IRAG2: variants seen among roughly 807,000 people sequenced by gnomAD.
IRAG2 encodes lymphoid restricted membrane protein.
A neutral mutation model predicts 69.9 loss-of-function variants in IRAG2; 45 were observed. The ratio of observed to expected loss-of-function variants is 0.64; its 90% CI spans 0.51 to 0.83. IRAG2 has a LOEUF of 0.83. IRAG2 is among the 40% of genes least tolerant of loss of function. The pLI, the probability that IRAG2 is intolerant of heterozygous loss-of-function variation, is 0.00. For missense variants in IRAG2, 520 were observed against 587.0 expected, an observed-to-expected ratio of 0.89 and a Z score of 1.18; for synonymous variants, 193 against 202.4, an observed-to-expected ratio of 0.95 and a Z score of 0.40.
intron 16 of IRAG2, among the ~76,000 whole-genome samples, chr12:25,043,995 C>CACAGAACAAAT (rs1447001378): frequency 2.6e-5 from 4 of 151,966 alleles, no homozygotes; most frequent in African/African-American, 9.7e-5. Flanking sequence ...AAAATACAAA[C>CACAGAACAAAT]ACAGAACACT....
chr12:25,029,714 G>A (rs751327651), intron 9 of IRAG2, among the ~76,000 whole-genome samples: 10 of 151,380 alleles, frequency 6.6e-5, no homozygotes, highest in Middle Eastern at 3.4e-3. Flanking sequence ...AGAGTCTTGC[G>A]CTGTCACCTG....
upstream of IRAG2, among the ~76,000 whole-genome samples, chr12:25,001,959 C>T (rs112144042): frequency 0.14 from 20,978 of 151,742 alleles, 1,627 homozygotes; most frequent in African/African-American, 0.18. Flanking sequence ...TTAGTAGAGA[C>T]GGGGTTTCAT....
chr12:25,002,208 CT>C (rs1417881171), upstream of IRAG2, among the ~76,000 whole-genome samples: 1 of 152,196 alleles, frequency 6.6e-6, no homozygotes, highest in Non-Finnish European at 1.5e-5. Flanking sequence ...TACCTTCCCC[CT>C]GGAGCAACTG....
rs868811601 is a variant in IRAG2 at position 25,074,061 on chromosome 12, C to G, written c.24+4630C>G. ...TCTAGATTGAAGACTGGCTTTATTA[C>G]TTATTAGCTGTGTGAACTTGGACAC... On this transcript the variant is annotated intron_variant, in intron 6 of 21. Coordinates refer to ENST00000556887, the MANE Select transcript of IRAG2 (RefSeq NM_001366544.2). 9.8e-5 allele frequency among the ~76,000 whole-genome samples: 15 copies of G among 152,370 alleles called. No individual in the cohort carries two copies. The South Asian group carries it at 1.4e-3, about 15-fold the overall frequency.
rs758440054 is a variant in IRAG2 at position 25,106,931 on chromosome 12, A to ATTTATTTACAGAACT, written c.1149-11_1152dup. 3 of 1,364,418 alleles carry ATTTATTTACAGAACT rather than the reference A, an allele frequency of 2.2e-6. No homozygotes were observed. The East Asian group carries it at 7.3e-5, about 33-fold the overall frequency. 84.5% of individuals were successfully genotyped at this position (1,364,418 alleles called of 1,614,324 possible). On this transcript the variant is annotated splice_polypyrimidine_tract_variant and intron_variant, in intron 20 of 21. Coordinates refer to ENST00000556887, the MANE Select transcript of IRAG2 (RefSeq NM_001366544.2). ...CTTAGTTTCAAATATTAAAAACAAC[A>ATTTATTTACAGAACT]TTTATTTACAGAACTAAAGATGACT... is the stretch of plus-strand genomic sequence containing the variant.
At chr12:25,083,366 CCT>C (rs1947353989) in intron 9 of IRAG2, 55 bp from the exon 10 acceptor site, 1 of 1,062,346 alleles carries the variant, frequency 9.4e-7, no homozygotes, top group African/African-American at 1.6e-5. Context: ...ACTGTTTCCT[CCT>C]CTTTTACTTG....
intron 4 of IRAG2, among the ~76,000 whole-genome samples, chr12:25,065,484 C>T (rs1035760384): frequency 6.6e-6 from 1 of 152,208 alleles, no homozygotes; most frequent in Non-Finnish European, 1.5e-5. Context: ...GTGATCTCAA[C>T]CTATTTCCCC....
intron 16 of IRAG2, 92 bp downstream of exon 16, chr12:25,101,417 C>T: frequency 1.2e-6 from 1 of 838,328 alleles, no homozygotes; most frequent in Non-Finnish European, 1.7e-6. Context: ...TATAATAAAA[C>T]TCTTAGGTTA....
intron 4 of IRAG2, 48 bp from the exon 5 acceptor site, chr12:25,066,317 T>G: frequency 2.5e-6 from 1 of 400,594 alleles, no homozygotes; most frequent in Non-Finnish European, 4.4e-6. Flanking sequence ...CAATATAGTT[T>G]GAACCAGAAA....
At chr12:25,037,825 T>C (rs1286332181) in intron 15 of IRAG2, 5 of 394,110 alleles carry the variant, frequency 1.3e-5, no homozygotes, top group Non-Finnish European at 2.2e-5. Flanking sequence ...TTAATTAACA[T>C]ACAATTGAGA....
At chr12:25,079,961 A>G (rs1463251827) in intron 9 of IRAG2, among the ~76,000 whole-genome samples, 198 bp downstream of exon 9, 1 of 152,216 alleles carries the variant, frequency 6.6e-6, no homozygotes, top group Non-Finnish European at 1.5e-5. Context: ...TTTCACACAT[A>G]AGGATGGTAT....
intron 2 of IRAG2, among the ~76,000 whole-genome samples, chr12:25,007,230 T>C (rs1944440037): frequency 6.6e-6 from 1 of 152,200 alleles, no homozygotes; most frequent in Non-Finnish European, 1.5e-5. Flanking sequence ...TAGTATTTCA[T>C]CCACAAATAT....
At chr12:25,058,672 G>C (rs979313340) in intron 1 of IRAG2, among the ~76,000 whole-genome samples, 2 of 152,124 alleles carry the variant, frequency 1.3e-5, no homozygotes, top group African/African-American at 4.8e-5. Context: ...GCAATTAATT[G>C]TGGGGCCTTT....
At chr12:25,013,274 T>A (rs1944491569) in intron 3 of IRAG2, among the ~76,000 whole-genome samples, 1 of 152,146 alleles carries the variant, frequency 6.6e-6, no homozygotes, top group South Asian at 2.1e-4. Context: ...GCCAGGAGTT[T>A]GAGACCAGTC....
Position 25,090,214 on chromosome 12 carries a change from T to G in IRAG2, c.606+17T>G. 2 of 1,611,160 alleles carry G rather than the reference T, an allele frequency of 1.2e-6. No individual in the cohort carries two copies. Among genetic ancestry groups the G allele is most frequent in the Non-Finnish European group, 1.7e-6 (2 of 1,178,264 alleles). On this transcript the variant is annotated intron_variant, in intron 14 of 21. Coordinates refer to ENST00000556887, the MANE Select transcript of IRAG2 (RefSeq NM_001366544.2). ...CTATTAGAGGTGAGAATCAGAACATTTGGGATATAAACATTTGGTCTAGCC... is the reference window on the plus strand; with the variant it reads ...CTATTAGAGGTGAGAATCAGAACATGTGGGATATAAACATTTGGTCTAGCC...
intron 21 of IRAG2, among the ~76,000 whole-genome samples, chr12:25,107,478 C>A (rs1197633334): frequency 6.6e-6 from 1 of 152,142 alleles, no homozygotes; most frequent in Non-Finnish European, 1.5e-5. Context: ...ACACAGACAT[C>A]CACTCTACCC....
At chr12:25,066,697 C>T (rs1282458931) in intron 5 of IRAG2, among the ~76,000 whole-genome samples, 185 bp downstream of exon 5, 4 of 149,082 alleles carry the variant, frequency 2.7e-5, no homozygotes, top group Non-Finnish European at 4.4e-5. Flanking sequence ...GAATCTCGCT[C>T]TCTTGCCCAC....
At chr12:25,079,790 A>C (rs749608788) in intron 9 of IRAG2, 27 bp downstream of exon 9, 19 of 1,443,628 alleles carry the variant, frequency 1.3e-5, no homozygotes, top group Non-Finnish European at 1.9e-5. Flanking sequence ...TGTAAGCATG[A>C]TTTTAATTCT....
At chr12:25,044,973 A>G (rs1279171201) in intron 16 of IRAG2, among the ~76,000 whole-genome samples, 3 of 152,144 alleles carry the variant, frequency 2.0e-5, no homozygotes, top group Admixed American at 1.3e-4. Context: ...TTAAATGCAC[A>G]TAGAACATTC....
Sources: gnomAD v4.1 joint callset for allele counts (sites outside exome capture counted in the v4.1 genomes callset) on GRCh38, gnomAD v4.1.1 for gene constraint, MANE v1.5 for transcripts, NCBI Gene and HGNC (gene_info 2026-07-23, HGNC 2026-07-21) for gene names.